The following CCNYL1 variants were observed in gnomAD, a reference collection of about 807,000 sequenced individuals.
CCNYL1 encodes the protein cyclin-Y-like protein 1.
Under a neutral mutation model 44.2 loss-of-function variants are expected in CCNYL1, and 16 were observed. The observed-to-expected ratio is 0.36, with a 90% confidence interval of 0.25 to 0.55. The LOEUF is 0.55. CCNYL1 is among the 20% of genes least tolerant of loss of function. CCNYL1 has a pLI of 0.85. For missense variants in CCNYL1, 348 were observed against 451.8 expected (o/e 0.77, Z 2.08); for synonymous variants, 159 against 163.2 (o/e 0.97, Z 0.20).
At chr2:207,717,906 CTTT>C (rs5838085) in intron 1 of CCNYL1, among the ~76,000 whole-genome samples, 4 of 138,930 alleles carry the variant, frequency 2.9e-5, no homozygotes, top group Non-Finnish European at 4.6e-5. Flanking sequence ...ATTTTTAATT[CTTT>C]TTTTTTTTTT....
intron 9 of CCNYL1, 56 bp downstream of exon 9, chr2:207,751,175 T>G: frequency 6.8e-7 from 1 of 1,465,524 alleles, no homozygotes; most frequent in Non-Finnish European, 9.4e-7. Context: ...AGCCAACATC[T>G]GTGACTAAAT....
intron 3 of CCNYL1, among the ~76,000 whole-genome samples, chr2:207,731,627 T>C (rs2091726943): frequency 6.6e-6 from 1 of 152,110 alleles, no homozygotes; most frequent in Non-Finnish European, 1.5e-5. Flanking sequence ...TTGTTGAGTT[T>C]TCCAGCAACA....
chr2:207,747,925 T>C (rs1441566417), intron 8 of CCNYL1, among the ~76,000 whole-genome samples: 2 of 152,174 alleles, frequency 1.3e-5, no homozygotes, highest in African/African-American at 4.8e-5. Context: ...ATTCATTCAT[T>C]CATTCATTTA....
At position 207,753,881 on chromosome 2, in the gene CCNYL1, C is replaced by A; in HGVS notation, c.*183C>A. ...AGGAAAGAATGGGACCTTGTCAATG[C>A]AACAAAACACTCTTCTGTCCTTTTT... On this transcript the variant is annotated 3_prime_UTR_variant, in exon 10 of 10. Transcript: ENST00000295414. 1.6e-5 allele frequency: 8 copies of A among 496,650 alleles called. No individual in the cohort carries two copies. Among genetic ancestry groups the A allele is most frequent in the Non-Finnish European group, 1.1e-5 (3 of 278,712 alleles). The allele number at this position is 496,650 out of a possible 1,614,324, so 30.8% of individuals were successfully genotyped here.
intron 7 of CCNYL1, 98 bp downstream of exon 7, chr2:207,742,440 A>G: frequency 8.8e-7 from 1 of 1,132,976 alleles, no homozygotes; most frequent in Non-Finnish European, 1.2e-6. Context: ...TGAAATTATC[A>G]TCAGAACTTT....
intron 4 of CCNYL1, among the ~76,000 whole-genome samples, chr2:207,735,377 A>G (rs2091757398): frequency 6.6e-6 from 1 of 152,234 alleles, no homozygotes; most frequent in South Asian, 2.1e-4. Context: ...TTCAAAATAT[A>G]TGTCCACAAA....
At chr2:207,718,631 CTG>C (rs1183251978) in intron 1 of CCNYL1, among the ~76,000 whole-genome samples, 5 of 152,110 alleles carry the variant, frequency 3.3e-5, no homozygotes, top group Admixed American at 3.3e-4. Context: ...CAAACGAAAA[CTG>C]TGCTGTGATT....
chr2:207,725,828 T>C (rs543010405), intron 2 of CCNYL1, among the ~76,000 whole-genome samples: 2 of 152,356 alleles, frequency 1.3e-5, no homozygotes, highest in African/African-American at 4.8e-5. Context: ...TTCCTTATAA[T>C]TATGTTAAAT....
rs61405839 is a variant in CCNYL1, at chr2:207,743,806, T to TTTTTTGTTTTTG, written c.639+1481_639+1492dup. On this transcript the variant is annotated intron_variant, in intron 7 of 9. Transcript: ENST00000295414. The stretch of plus-strand genomic sequence containing the variant: ...TGCCTACTCTGTGCCACTATTCTTG[T>TTTTTTGTTTTTG]TTTTTGTTTTTGTTTTTGTTTTTGT... Among the ~76,000 whole-genome samples the TTTTTTGTTTTTG allele has an allele frequency of 1.6e-4, 25 of 151,566 alleles. No individual in the cohort carries two copies. In the East Asian group the frequency reaches 2.0e-3, roughly 12 times the overall value.
chr2:207,733,762 C>A (rs1437729317), intron 3 of CCNYL1, among the ~76,000 whole-genome samples, 185 bp from the exon 4 acceptor site: 2 of 152,214 alleles, frequency 1.3e-5, no homozygotes, highest in Non-Finnish European at 2.9e-5. Flanking sequence ...ATTCCTCAAA[C>A]ACTGTCTGTG....
At chr2:207,747,325 A>C (rs1338826730) in intron 8 of CCNYL1, 112 bp downstream of exon 8, 4 of 861,250 alleles carry the variant, frequency 4.6e-6, no homozygotes, top group Non-Finnish European at 5.2e-6. Context: ...GATAATGGAA[A>C]TAGGCATAAG....
At chr2:207,752,245 A>T (rs2091898755) in intron 9 of CCNYL1, among the ~76,000 whole-genome samples, 1 of 152,076 alleles carries the variant, frequency 6.6e-6, no homozygotes, top group Non-Finnish European at 1.5e-5. Context: ...AGGTGTTTCA[A>T]ATGCTGGATG....
At chr2:207,725,519 A>C (rs1046726777) in intron 2 of CCNYL1, among the ~76,000 whole-genome samples, 4 of 152,250 alleles carry the variant, frequency 2.6e-5, no homozygotes, top group African/African-American at 9.6e-5. Context: ...TTTAAGCTGC[A>C]GCTTGGTTTC....
chr2:207,723,182 A>C (rs1014946048), intron 1 of CCNYL1, among the ~76,000 whole-genome samples: 1 of 152,216 alleles, frequency 6.6e-6, no homozygotes, highest in Non-Finnish European at 1.5e-5. Context: ...TTCCATGGAG[A>C]ACAAAGCAGT....
At position 207,754,478 on chromosome 2, in the gene CCNYL1, C is replaced by T. The variant is rs1328615615; in HGVS notation, c.*780C>T. 1 of 152,570 alleles carries T rather than the reference C, an allele frequency of 6.6e-6. No individual in the cohort carries two copies. Among genetic ancestry groups the T allele is most frequent in the Admixed American group, 6.6e-5 (1 of 15,264 alleles). The allele number at this position is 152,570 out of a possible 1,614,324, so 9.5% of individuals were successfully genotyped here. A position where few individuals can be genotyped will look rare whatever the true frequency, so the allele number is the denominator to read the frequency against. On this transcript the variant is annotated 3_prime_UTR_variant, in exon 10 of 10. Transcript: ENST00000295414. ...TGTATTAAAAGATATTTTCATAATG[C>T]CAACCAACATGGTGGTTCAGTGACG...
chr2:207,753,199 G>A (rs944504661), intron 9 of CCNYL1, among the ~76,000 whole-genome samples: 2 of 152,194 alleles, frequency 1.3e-5, no homozygotes, highest in Admixed American at 6.5e-5. Flanking sequence ...AATAAGGATT[G>A]GGTAGAATTT....
At chr2:207,732,439 C>G (rs1575215551) in intron 3 of CCNYL1, among the ~76,000 whole-genome samples, 1 of 152,148 alleles carries the variant, frequency 6.6e-6, no homozygotes, top group Non-Finnish European at 1.5e-5. Context: ...TTATTGGCTA[C>G]TGGCGATTTT....
At chr2:207,736,712 A>G (rs1227843805) in intron 4 of CCNYL1, among the ~76,000 whole-genome samples, 1 of 152,228 alleles carries the variant, frequency 6.6e-6, no homozygotes, top group African/African-American at 2.4e-5. Flanking sequence ...AATTAAATCA[A>G]CTGAAATGCA....
intron 1 of CCNYL1, 56 bp from the exon 2 acceptor site, chr2:207,724,744 G>C: frequency 7.8e-7 from 1 of 1,280,450 alleles, no homozygotes; most frequent in Non-Finnish European, 1.1e-6. Context: ...ATCTATTTCA[G>C]AAATCATCTT....
Sources: gnomAD v4.1 joint callset for allele counts (sites outside exome capture counted in the v4.1 genomes callset) on GRCh38, gnomAD v4.1.1 for gene constraint, MANE v1.5 for transcripts, NCBI Gene and HGNC (gene_info 2026-07-23, HGNC 2026-07-21) for gene names.